The following MTUS2 variants were observed in gnomAD, a reference collection of about 807,000 sequenced individuals.
MTUS2 encodes the protein microtubule associated scaffold protein 2.
MTUS2 carries 40 observed loss-of-function variants against 114.1 expected under a neutral mutation model. The observed-to-expected ratio is 0.35, with a 90% CI of 0.27 to 0.46. The LOEUF is 0.46. MTUS2 is among the 20% of genes least tolerant of loss of function. MTUS2 has a pLI of 1.00. For missense variants in MTUS2, 1,679 were observed against 1,705.4 expected, an observed-to-expected ratio of 0.98 and a Z score of 0.27; for synonymous variants, 688 against 672.0, an observed-to-expected ratio of 1.02 and a Z score of -0.37.
intron 7 of MTUS2, among the ~76,000 whole-genome samples, chr13:29,353,734 C>T (rs545972977): frequency 1.3e-5 from 2 of 152,334 alleles, no homozygotes; most frequent in African/African-American, 4.8e-5. Context: ...TTTTTCTACA[C>T]TACTGAGCAA....
At chr13:29,032,517 G>C (rs1037404566) in intron 3 of MTUS2, among the ~76,000 whole-genome samples, 4 of 152,214 alleles carry the variant, frequency 2.6e-5, no homozygotes, top group Non-Finnish European at 5.9e-5. Flanking sequence ...GTGAGAGTAA[G>C]TAGAGAATGG....
At chr13:28,891,380 T>C (rs1018660659) in intron 2 of MTUS2, among the ~76,000 whole-genome samples, 5 of 152,192 alleles carry the variant, frequency 3.3e-5, no homozygotes, top group African/African-American at 1.2e-4. Context: ...CCATCTACTC[T>C]TTTATGTTTC....
rs1156706196 is a variant in MTUS2, at chr13:29,006,629, A to G, written c.-242-17828A>G. On this transcript the variant is annotated intron_variant, in intron 2 of 15. Coordinates refer to ENST00000612955, the MANE Select transcript of MTUS2 (RefSeq NM_001033602.4). ...CCTCTGCTTTGTATGGATGGTGGCC[A>G]TTTTGAAGGCATCCTGAGAGGCCTG... 2.6e-5 allele frequency among the ~76,000 whole-genome samples: 4 copies of G among 152,268 alleles called. No homozygotes were observed. In the East Asian group the frequency reaches 7.7e-4, roughly 29 times the overall value.
chr13:29,013,718 C>A (rs1384042195), intron 2 of MTUS2, among the ~76,000 whole-genome samples: 2 of 152,210 alleles, frequency 1.3e-5, no homozygotes, highest in African/African-American at 4.8e-5. Flanking sequence ...ATGATACAGA[C>A]CTTCCATGTG....
chr13:28,925,067 T>C (rs1881254662), intron 2 of MTUS2, among the ~76,000 whole-genome samples: 1 of 152,142 alleles, frequency 6.6e-6, no homozygotes, highest in African/African-American at 2.4e-5. Context: ...TCTCTAATGC[T>C]AAGAGGACAG....
At chr13:29,169,228 C>A (rs986251001) in intron 5 of MTUS2, among the ~76,000 whole-genome samples, 5 of 152,114 alleles carry the variant, frequency 3.3e-5, no homozygotes, top group African/African-American at 1.2e-4. Context: ...AGTAATAAAG[C>A]AAAATATTAG....
intron 5 of MTUS2, among the ~76,000 whole-genome samples, chr13:29,232,025 A>G (rs1269338862): frequency 6.6e-6 from 1 of 152,214 alleles, no homozygotes; most frequent in Non-Finnish European, 1.5e-5. Flanking sequence ...TTGACAACTA[A>G]TGGTAATTTA....
intron 2 of MTUS2, among the ~76,000 whole-genome samples, chr13:28,841,440 G>A (rs1016947679): frequency 1.3e-5 from 2 of 152,204 alleles, no homozygotes; most frequent in Non-Finnish European, 2.9e-5. Flanking sequence ...GATGGTGGTG[G>A]CCGCTGGAGC....
chr13:29,290,357 T>G (rs562747511), intron 6 of MTUS2, among the ~76,000 whole-genome samples: 31 of 152,214 alleles, frequency 2.0e-4, no homozygotes, highest in African/African-American at 7.5e-4. Context: ...TGAGATGGAG[T>G]CTTGCTCTGT....
chr13:29,061,640 T>C (rs927799156), intron 4 of MTUS2, among the ~76,000 whole-genome samples: 1 of 152,208 alleles, frequency 6.6e-6, no homozygotes, highest in Non-Finnish European at 1.5e-5. Context: ...CAGCTTCTAT[T>C]TGAGTTTCTC....
intron 9 of MTUS2, among the ~76,000 whole-genome samples, chr13:29,454,343 G>A (rs1357959944): frequency 2.6e-5 from 4 of 152,184 alleles, no homozygotes; most frequent in Non-Finnish European, 5.9e-5. Flanking sequence ...CAGGCTGGCA[G>A]CTAAGTGCAG....
intron 2 of MTUS2, among the ~76,000 whole-genome samples, chr13:28,894,288 G>T (rs1222286986): frequency 4.8e-5 from 1 of 20,920 alleles, no homozygotes; most frequent in Non-Finnish European, 1.0e-4. Flanking sequence ...GTGGGGGGGG[G>T]GGAGAGAGAG....
intron 5 of MTUS2, among the ~76,000 whole-genome samples, chr13:29,266,202 TTACTC>T (rs1328165123): frequency 6.6e-6 from 1 of 152,182 alleles, no homozygotes; most frequent in African/African-American, 2.4e-5. Flanking sequence ...TCTAAGCACT[TTACTC>T]TAATGACTCC....
chr13:28,893,541 C>T lies in MTUS2; in HGVS notation c.-243+53691C>T, dbSNP rs184427193. On this transcript the variant is annotated intron_variant, in intron 2 of 15. Coordinates refer to ENST00000612955, the MANE Select transcript of MTUS2 (RefSeq NM_001033602.4). ...CCAGGCACAGGCTATATTATTGGTT[C>T]GTTATGTACGTTTCTATTGGGATTG... is the stretch of plus-strand genomic sequence containing the variant. 1.5e-3 allele frequency among the ~76,000 whole-genome samples: 231 copies of T among 152,210 alleles called. 1 individual carries two copies. The highest frequency in any genetic ancestry group is 2.4e-3 in the Non-Finnish European group (160 of 68,020).
chr13:29,468,858 G>A (rs921095199), intron 9 of MTUS2, among the ~76,000 whole-genome samples: 1 of 152,146 alleles, frequency 6.6e-6, no homozygotes, highest in African/African-American at 2.4e-5. Context: ...AATTCCTCAT[G>A]TCACTGGGAC....
At chr13:28,880,594 G>A (rs1461078070) in intron 2 of MTUS2, among the ~76,000 whole-genome samples, 2 of 152,184 alleles carry the variant, frequency 1.3e-5, no homozygotes. Context: ...TGTAACATAT[G>A]CATACTTTGG....
At position 29,496,723 on chromosome 13, in the gene MTUS2, G is replaced by A. The variant is rs1238346768; in HGVS notation, c.3580-515G>A. 6.6e-6 allele frequency among the ~76,000 whole-genome samples: 1 copy of A among 152,176 alleles called. No individual in the cohort carries two copies. Among genetic ancestry groups the A allele is most frequent in the Non-Finnish European group, 1.5e-5 (1 of 68,022 alleles). On this transcript the variant is annotated intron_variant, in intron 12 of 15. Coordinates refer to ENST00000612955, the MANE Select transcript of MTUS2 (RefSeq NM_001033602.4). The surrounding 1 kb of genome is among the most constrained non-coding windows in gnomAD (Gnocchi z 4.3). The stretch of plus-strand genomic sequence containing the variant: ...CTCTGTGGGTTCTAGGGACATTCAG[G>A]AGGCAGGATGGCAGGAGTTGATTAT...
intron 2 of MTUS2, among the ~76,000 whole-genome samples, chr13:28,860,717 G>A (rs1161457): frequency 0.76 from 116,048 of 152,114 alleles, 45,011 homozygotes; most frequent in Non-Finnish European, 0.82. Context: ...AGGAACTAGG[G>A]CAAGTCATTC....
intron 3 of MTUS2, among the ~76,000 whole-genome samples, chr13:29,032,995 G>A (rs1032150339): frequency 9.2e-5 from 14 of 152,202 alleles, no homozygotes; most frequent in African/African-American, 3.4e-4. Flanking sequence ...CAGACTTAGT[G>A]AGTACAGAAT....
Sources: gnomAD v4.1 joint callset for allele counts (sites outside exome capture counted in the v4.1 genomes callset) on GRCh38, gnomAD v4.1.1 for gene constraint, Gnocchi (gnomAD v3.1) non-coding constraint, MANE v1.5 for transcripts, NCBI Gene and HGNC (gene_info 2026-07-23, HGNC 2026-07-21) for gene names.